The following CDC42BPA variants were observed in gnomAD, a reference collection of about 807,000 sequenced individuals.
The protein encoded by CDC42BPA is serine/threonine-protein kinase MRCK alpha.
In CDC42BPA, 80 loss-of-function variants were observed where a neutral mutation model predicts 223.5. The observed-to-expected ratio is 0.36, with a 90% CI of 0.30 to 0.43. CDC42BPA has a LOEUF of 0.43. CDC42BPA is among the 20% of genes least tolerant of loss of function. The probability of loss-of-function intolerance (pLI) is 1.00; values close to 1 mark genes in which losing one functional copy is unlikely to be tolerated. For synonymous variants in CDC42BPA, 694 were observed against 718.6 expected (o/e 0.97, Z 0.55); for missense variants, 1,743 against 2,099.9 (o/e 0.83, Z 3.32).
In CDC42BPA at chr1:227,254,279, A is replaced by T. The variant is rs1013681895; in HGVS notation, c.179-124T>A. 3 of 560,464 alleles carry T rather than the reference A, an allele frequency of 5.4e-6. No individual in the cohort carries two copies. The South Asian group carries it at 7.3e-5, about 14-fold the overall frequency. The allele number at this position is 560,464 out of a possible 1,614,324, so 34.7% of individuals were successfully genotyped here. On this transcript the variant is annotated intron_variant, in intron 1 of 36. Coordinates refer to ENST00000366766, the MANE Select transcript of CDC42BPA (RefSeq NM_001394014.1). ...TGATTTAAGAATTGTCAAAATATTT[A>T]AAAATCCCAAACTATATGAGAATAA...
intron 1 of CDC42BPA, among the ~76,000 whole-genome samples, chr1:227,307,193 G>A (rs1197735892): frequency 1.3e-5 from 2 of 152,116 alleles, no homozygotes; most frequent in African/African-American, 4.8e-5. Context: ...AAGTCTCACT[G>A]TCCTTTCTTT....
intron 21 of CDC42BPA, among the ~76,000 whole-genome samples, chr1:227,065,122 A>AAATT (rs1247513052): frequency 1.1e-4 from 16 of 151,760 alleles, no homozygotes; most frequent in Non-Finnish European, 1.5e-4. Context: ...ATAAATAAAT[A>AAATT]AATTAACTCA....
chr1:227,033,363 T>C lies in CDC42BPA; in HGVS notation c.3529A>G (p.Ser1177Gly). 5.0e-6 allele frequency: 8 copies of C among 1,612,942 alleles called. No homozygotes were observed. The highest frequency in any genetic ancestry group is 6.8e-6 in the Non-Finnish European group (8 of 1,178,984). The part of the protein sequence containing the change: ...SVLASDVIHA[S>G]RKDIPCIFRV... ...AATATACAGGGTATATCTTTCCGAC[T>C]TGCATGGATAACATCAGAAGCCAAG... is the stretch of plus-strand genomic sequence containing the variant. Residue 1177 changes from serine to glycine, a missense_variant, in exon 27 of 37, where the codon AGT becomes GGT. Physicochemically the swap from Ser to Gly is moderately conservative, Grantham distance 56 (BLOSUM62 0). This residue lies in a region of CDC42BPA where 678 missense variants were observed against 777.5 expected (regional missense o/e 0.87). Transcript: ENST00000366766.
chr1:227,116,312 T>C (rs906726642), intron 12 of CDC42BPA, among the ~76,000 whole-genome samples: 1 of 152,200 alleles, frequency 6.6e-6, no homozygotes, highest in African/African-American at 2.4e-5. Context: ...ACAAGAATCA[T>C]ATAATCATAT....
At chr1:227,251,255 G>A (rs571686396) in intron 2 of CDC42BPA, among the ~76,000 whole-genome samples, 5 of 151,972 alleles carry the variant, frequency 3.3e-5, no homozygotes, top group African/African-American at 9.7e-5. Context: ...GTAGAAATTG[G>A]GTAAATGGGA....
At chr1:227,025,979 A>G (rs1364481001) in intron 31 of CDC42BPA, 76 bp downstream of exon 31, 1 of 768,570 alleles carries the variant, frequency 1.3e-6, no homozygotes, top group Non-Finnish European at 2.1e-6. Context: ...ATTAATAAAA[A>G]AAAAATTACT....
intron 5 of CDC42BPA, among the ~76,000 whole-genome samples, chr1:227,177,136 A>ATAT (rs5781473): frequency 1.6e-3 from 238 of 147,590 alleles, no homozygotes; most frequent in African/African-American, 5.3e-3. Context: ...AGAAAAAAAA[A>ATAT]ATATATATAT....
chr1:227,027,185 A>G (rs1668416355), intron 30 of CDC42BPA, among the ~76,000 whole-genome samples: 1 of 152,182 alleles, frequency 6.6e-6, no homozygotes, highest in Non-Finnish European at 1.5e-5. Flanking sequence ...AACAACAACA[A>G]TAACAACAAA....
At chr1:227,271,528 G>C (rs1216852036) in intron 1 of CDC42BPA, among the ~76,000 whole-genome samples, 3 of 151,994 alleles carry the variant, frequency 2.0e-5, no homozygotes, top group African/African-American at 4.8e-5. Flanking sequence ...AAAGCAGTGG[G>C]GAGAACGATA....
At chr1:227,279,203 C>T (rs1005432595) in intron 1 of CDC42BPA, among the ~76,000 whole-genome samples, 2 of 152,004 alleles carry the variant, frequency 1.3e-5, no homozygotes, top group East Asian at 3.9e-4. Context: ...CCTGTGTTCT[C>T]CTAACTCCAT....
At chr1:227,068,741 G>T in intron 21 of CDC42BPA, 1 of 772,494 alleles carries the variant, frequency 1.3e-6, no homozygotes, top group Non-Finnish European at 1.8e-6. Context: ...AGAAAATATG[G>T]ATGAAGCAAT....
intron 7 of CDC42BPA, among the ~76,000 whole-genome samples, chr1:227,147,115 T>C (rs969261608): frequency 2.0e-5 from 3 of 152,142 alleles, no homozygotes; most frequent in Non-Finnish European, 4.4e-5. Flanking sequence ...CTTACGACCT[T>C]TGTTATTCTA....
At chr1:227,060,484 C>CA (rs753777617) in intron 21 of CDC42BPA, among the ~76,000 whole-genome samples, 110 of 152,208 alleles carry the variant, frequency 7.2e-4, no homozygotes, top group Non-Finnish European at 1.3e-3. Context: ...GAGAAGACAT[C>CA]ATGCCAGCAA....
At chr1:227,065,359 A>T (rs1676824725) in intron 21 of CDC42BPA, among the ~76,000 whole-genome samples, 2 of 152,154 alleles carry the variant, frequency 1.3e-5, no homozygotes, top group Admixed American at 1.3e-4. Context: ...GAAAAGCCCA[A>T]ATGCCTACAT....
chr1:227,253,607 A>AATAAATACATACATACACACATAC (rs368046447), intron 2 of CDC42BPA, among the ~76,000 whole-genome samples: 155 of 116,544 alleles, frequency 1.3e-3, no homozygotes, highest in African/African-American at 5.1e-3. Context: ...AAAATAAATA[A>AATAAATACATACATACACACATAC]ATACATACAT....
chr1:227,083,914 T>C (rs1239189304), intron 16 of CDC42BPA, among the ~76,000 whole-genome samples: 1 of 152,196 alleles, frequency 6.6e-6, no homozygotes, highest in Non-Finnish European at 1.5e-5. Context: ...CTCTCCAGCC[T>C]TGTAAAACTG....
rs528808072 is a variant in CDC42BPA, at chr1:227,271,217, C to T, written c.179-17062G>A. ...TATTCATGTACAACTTGTGTATTTT[C>T]TTTTAAATAATTATGACTAAATCAG... On this transcript the variant is annotated intron_variant, in intron 1 of 36. Transcript: ENST00000366766. Among the ~76,000 whole-genome samples the T allele has an allele frequency of 3.9e-5, 6 of 152,022 alleles. No homozygotes were observed. In the South Asian group the frequency reaches 1.2e-3, roughly 32 times the overall value.
At chr1:227,251,861 C>T (rs922209547) in intron 2 of CDC42BPA, among the ~76,000 whole-genome samples, 12 of 151,992 alleles carry the variant, frequency 7.9e-5, no homozygotes, top group Admixed American at 2.0e-4. Flanking sequence ...GCGTTCTAAC[C>T]ACTTTTAAAT....
chr1:227,083,829 A>G (rs1420826970), intron 16 of CDC42BPA, among the ~76,000 whole-genome samples: 1 of 152,150 alleles, frequency 6.6e-6, no homozygotes, highest in African/African-American at 2.4e-5. Context: ...GTAGGCTTTC[A>G]ATGGGTTCAA....
Sources: gnomAD v4.1 joint callset for allele counts (sites outside exome capture counted in the v4.1 genomes callset) on GRCh38, gnomAD v4.1.1 for gene constraint, gnomAD v4.1.1 regional missense constraint, MANE v1.5 for transcripts, NCBI Gene and HGNC (gene_info 2026-07-23, HGNC 2026-07-21) for gene names.